NAA11: variants seen among roughly 807,000 people sequenced by gnomAD.
NAA11 encodes the protein N-alpha-acetyltransferase 11, NatA catalytic subunit.
NAA11 carries 15 observed loss-of-function variants against 16.1 expected under a neutral mutation model. That is an observed-to-expected ratio of 0.93 (90% CI 0.62 to 1.44). The LOEUF (loss-of-function observed/expected upper bound fraction) is 1.44. NAA11 is among the 40% of genes most tolerant of loss of function. The pLI, the probability that NAA11 is intolerant of heterozygous loss-of-function variation, is 0.00. For synonymous variants in NAA11, 122 were observed against 112.4 expected (o/e 1.09, Z -0.54); for missense variants, 298 against 291.3 (o/e 1.02, Z -0.17).
downstream of NAA11, among the ~76,000 whole-genome samples, chr4:79,314,889 T>C (rs1723881883): frequency 6.6e-6 from 1 of 152,150 alleles, no homozygotes; most frequent in South Asian, 2.1e-4. Flanking sequence ...TTTTATACTA[T>C]ATACACTTTT....
chr4:79,163,499 T>C, the NAA11 span, among the ~76,000 whole-genome samples: 1 of 152,208 alleles, frequency 6.6e-6, no homozygotes, highest in Admixed American at 6.5e-5. Context: ...TTTCTTAGCC[T>C]GTCACTGGGT....
chr4:79,189,157 A>AAAAAAAAAAAAAAAAAC, the NAA11 span, among the ~76,000 whole-genome samples: 1 of 147,840 alleles, frequency 6.8e-6, no homozygotes, highest in African/African-American at 2.4e-5. Flanking sequence ...AAAAAAAAAA[A>AAAAAAAAAAAAAAAAAC]AAAAAAACTT....
chr4:79,296,492 C>CTTTAT (rs1160329515), intron 1 of NAA11, among the ~76,000 whole-genome samples: 1 of 152,300 alleles, frequency 6.6e-6, no homozygotes. Context: ...ATGTACCTCC[C>CTTTAT]TTTATTTCTT....
the NAA11 span, among the ~76,000 whole-genome samples, chr4:79,160,474 G>A: frequency 0.85 from 129,556 of 152,242 alleles, 55,288 homozygotes; most frequent in East Asian, 1. Flanking sequence ...ATTTTCCACC[G>A]CCAGTAGTGC....
At chr4:79,236,588 G>GA (rs1270020975) in intron 2 of NAA11, among the ~76,000 whole-genome samples, 1 of 151,864 alleles carries the variant, frequency 6.6e-6, no homozygotes, top group Non-Finnish European at 1.5e-5. Flanking sequence ...TTTTTAATTT[G>GA]AAAAAAATTT....
At chr4:79,171,715 G>A in the NAA11 span, among the ~76,000 whole-genome samples, 1 of 152,034 alleles carries the variant, frequency 6.6e-6, no homozygotes, top group Non-Finnish European at 1.5e-5. Context: ...ATGTTACCGT[G>A]GATTATTTAC....
At chr4:79,248,725 C>A (rs1487252378) in intron 2 of NAA11, among the ~76,000 whole-genome samples, 3 of 152,212 alleles carry the variant, frequency 2.0e-5, no homozygotes, top group African/African-American at 7.2e-5. Flanking sequence ...TAGTTCCCCA[C>A]CCCGTGCCAA....
the NAA11 span, among the ~76,000 whole-genome samples, chr4:79,165,998 A>C: frequency 6.6e-6 from 1 of 152,114 alleles, no homozygotes; most frequent in African/African-American, 2.4e-5. Flanking sequence ...CTATTTCTAG[A>C]ATTTACTCTC....
At chr4:79,209,674 CTT>C in the NAA11 span, among the ~76,000 whole-genome samples, 10 of 152,020 alleles carry the variant, frequency 6.6e-5, no homozygotes, top group Admixed American at 2.0e-4. Flanking sequence ...AAGTTGCACA[CTT>C]GTAGTTATTT....
chr4:79,167,132 T>TTATATATATATATATATATATATA, the NAA11 span, among the ~76,000 whole-genome samples: 459 of 17,088 alleles, frequency 0.027, 79 homozygotes, highest in Non-Finnish European at 0.038. Context: ...ACAGCTTATT[T>TTATATATATATATATATATATATA]TATATATATA....
chr4:79,275,409 G>A (rs1213218228), intron 2 of NAA11, among the ~76,000 whole-genome samples: 3 of 151,924 alleles, frequency 2.0e-5, no homozygotes, highest in Admixed American at 6.6e-5. Flanking sequence ...ATAAGAAAGG[G>A]GAAAATTGAG....
At chr4:79,183,260 G>A in the NAA11 span, among the ~76,000 whole-genome samples, 1 of 151,942 alleles carries the variant, frequency 6.6e-6, no homozygotes. Flanking sequence ...GTGTCACCTT[G>A]GGAAAAAAGT....
At chr4:79,170,617 G>A in the NAA11 span, among the ~76,000 whole-genome samples, 2 of 152,160 alleles carry the variant, frequency 1.3e-5, no homozygotes, top group Non-Finnish European at 2.9e-5. Flanking sequence ...TTTGTAATTG[G>A]TGGAAAGTTT....
intron 2 of NAA11, among the ~76,000 whole-genome samples, chr4:79,293,640 G>A (rs1578182785): frequency 6.6e-6 from 1 of 152,182 alleles, no homozygotes; most frequent in Non-Finnish European, 1.5e-5. Context: ...TGCTAGTTAT[G>A]TTTACATGGT....
the NAA11 span, among the ~76,000 whole-genome samples, chr4:79,210,771 TA>T: frequency 3.3e-5 from 5 of 151,520 alleles, no homozygotes; most frequent in African/African-American, 1.2e-4. Flanking sequence ...AAAAGAAAAA[TA>T]AAAAAAAGAA....
At chr4:79,162,261 G>A in the NAA11 span, among the ~76,000 whole-genome samples, 11 of 152,148 alleles carry the variant, frequency 7.2e-5, no homozygotes, top group African/African-American at 2.2e-4. Context: ...TCTAGGTTGG[G>A]AAAGGTGGTA....
chr4:79,187,393 A>G, the NAA11 span, among the ~76,000 whole-genome samples: 4 of 152,206 alleles, frequency 2.6e-5, no homozygotes, highest in Non-Finnish European at 5.9e-5. Flanking sequence ...CAGGCATTAC[A>G]GGGGAACTGT....
chr4:79,157,535 GTA>G, the NAA11 span, among the ~76,000 whole-genome samples: 3 of 150,858 alleles, frequency 2.0e-5, no homozygotes, highest in East Asian at 5.8e-4. Flanking sequence ...GTATATGCAT[GTA>G]TATATACACA....
intron 2 of NAA11, chr4:79,245,548 G>A (rs1168411720): frequency 2.0e-5 from 3 of 151,908 alleles, no homozygotes; most frequent in African/African-American, 5.0e-5. Flanking sequence ...GTCTCTACCC[G>A]GCCGCCACCC....
Sources: gnomAD v4.1 joint callset for allele counts (sites outside exome capture counted in the v4.1 genomes callset) on GRCh38, gnomAD v4.1.1 for gene constraint, MANE v1.5 for transcripts, NCBI Gene and HGNC (gene_info 2026-07-23, HGNC 2026-07-21) for gene names.